Variants in TAB3 observed in about 807,000 individuals in gnomAD.
TAB3 encodes TGF-beta activated kinase 1 (MAP3K7) binding protein 3, also known as TGF-beta-activated kinase 1 and MAP3K7-binding protein 3.
In TAB3, 18 loss-of-function variants were observed where a neutral mutation model predicts 48.1. The observed-to-expected ratio is 0.37, with a 90% CI of 0.26 to 0.55. The LOEUF is 0.55. TAB3 is among the 20% of genes least tolerant of loss of function. TAB3 has a pLI of 0.78. For synonymous variants in TAB3, 185 were observed against 190.2 expected (o/e 0.97, Z 0.22); for missense variants, 414 against 549.8 (o/e 0.75, Z 2.47).
chrX:30,860,172 T>A (rs1190389215), intron 4 of TAB3, among the ~76,000 whole-genome samples: 1 of 111,846 alleles, frequency 8.9e-6, no homozygotes, highest in Non-Finnish European at 1.9e-5. Context: ...GCTAAATACA[T>A]ACCTACAAAA....
At chrX:30,887,369 GA>G (rs59248674) in intron 1 of TAB3, among the ~76,000 whole-genome samples, 1 of 109,424 alleles carries the variant, frequency 9.1e-6, no homozygotes, top group Non-Finnish European at 1.9e-5. Context: ...CATCTGAAAA[GA>G]AAAAAAAACC....
rs1437038750 is a variant in TAB3, at chrX:30,868,617, A to C, written c.-279-1068T>G. On this transcript the variant is annotated intron_variant, in intron 2 of 10. Transcript: ENST00000288422. ...GAGAGAGAGAGAGAGAGAGAGAGAGAGCGCGTGGGGGGGAGAGACAGAGAG... is the reference window on the plus strand; with the variant it reads ...GAGAGAGAGAGAGAGAGAGAGAGAGCGCGCGTGGGGGGGAGAGACAGAGAG... Among the ~76,000 whole-genome samples, 8 of 62,558 alleles carry C rather than the reference A, an allele frequency of 1.3e-4. No individual in the cohort carries two copies. In the East Asian group the frequency reaches 2.3e-3, roughly 18 times the overall value. The allele number at this position is 62,558 out of a possible 115,157, so 54.3% of individuals were successfully genotyped here.
At chrX:30,841,446 T>C (rs1318713648) in intron 9 of TAB3, among the ~76,000 whole-genome samples, 2 of 109,618 alleles carry the variant, frequency 1.8e-5, no homozygotes, top group East Asian at 5.7e-4. Flanking sequence ...AGGCTGTTTT[T>C]AAATGTAGAT....
chrX:30,833,138 T>G (rs1006699686), intron 10 of TAB3, among the ~76,000 whole-genome samples: 3 of 107,772 alleles, frequency 2.8e-5, no homozygotes, highest in African/African-American at 1.0e-4. Flanking sequence ...ACCCGGCTAA[T>G]TTTTTGTGTT....
At chrX:30,873,853 T>C (rs1939742887) in intron 1 of TAB3, among the ~76,000 whole-genome samples, 1 of 111,821 alleles carries the variant, frequency 8.9e-6, no homozygotes, top group Non-Finnish European at 1.9e-5. Context: ...CAGTAGGCTA[T>C]TACTAGTTAA....
intron 5 of TAB3, among the ~76,000 whole-genome samples, chrX:30,855,928 A>C (rs1939052546): frequency 9.0e-6 from 1 of 111,660 alleles, no homozygotes; most frequent in Admixed American, 9.5e-5. Context: ...GATTCACCAC[A>C]ATTGCTGCAA....
At chrX:30,835,903 A>G (rs950639058) in intron 9 of TAB3, 9 of 112,452 alleles carry the variant, frequency 8.0e-5, no homozygotes, top group Non-Finnish European at 1.1e-4. Flanking sequence ...ATTCGAACCA[A>G]TAAACCTATT....
chrX:30,835,457 G>A (rs1938169460), intron 9 of TAB3: 1 of 113,699 alleles, frequency 8.8e-6, no homozygotes, highest in Non-Finnish European at 1.9e-5. Context: ...GTATTTGGCT[G>A]GATTGTCCCT....
chrX:30,873,231 T>C (rs1325777666), intron 1 of TAB3, among the ~76,000 whole-genome samples: 1 of 112,446 alleles, frequency 8.9e-6, no homozygotes, highest in Admixed American at 9.4e-5. Flanking sequence ...ATATGTGGAT[T>C]TTTTTCAATA....
At chrX:30,867,268 A>G (rs966946666) in intron 3 of TAB3, 50 bp from the exon 4 acceptor site, 8 of 112,053 alleles carry the variant, frequency 7.1e-5, no homozygotes, top group African/African-American at 9.7e-5. Context: ...AAATCTGAAT[A>G]TAGACTTCAG....
chrX:30,854,630 G>C lies in TAB3; in HGVS notation c.1035C>G (p.Ser345Arg). 1 of 1,211,256 alleles carries C rather than the reference G, an allele frequency of 8.3e-7. No individual in the cohort carries two copies. Among genetic ancestry groups the C allele is most frequent in the Non-Finnish European group, 1.1e-6 (1 of 894,922 alleles). ...QGPPSYQKQG[S>R]HSVAYLPYTA... The stretch of plus-strand genomic sequence containing the variant: ...TGTATGGAAGATAGGCTACTGAATG[G>C]CTTCCCTGTTTCTGATAGCTAGGAG... The change falls in exon 6 of 11, where the codon AGC becomes AGG. Residue 345 changes from serine (S) to arginine (R), a missense_variant. By Grantham distance (110) the Ser-to-Arg change is moderately radical. Coordinates refer to ENST00000288422, the MANE Select transcript of TAB3 (RefSeq NM_152787.5).
chrX:30,850,705 CT>C lies in TAB3; in HGVS notation c.1710+2072del, dbSNP rs753362184. ...CCAGCCTGGGTGACAGGGTGAGACT[CT>C]CCATCTCAAAAAAAAAAAAAGAAAG... On this transcript the variant is annotated intron_variant, in intron 7 of 10. Transcript: ENST00000288422. Among the ~76,000 whole-genome samples the C allele has an allele frequency of 6.6e-4, 68 of 102,486 alleles. No homozygotes were observed. In the East Asian group the frequency reaches 0.011, roughly 17 times the overall value. 89.0% of individuals were successfully genotyped at this position (102,486 alleles called of 115,157 possible).
In TAB3 at chrX:30,854,373, T is replaced by C. The variant is rs1279556146; in HGVS notation, c.1292A>G (p.Tyr431Cys). 1 of 1,211,697 alleles carries C rather than the reference T, an allele frequency of 8.3e-7. No homozygotes were observed. ...PFSVNPVYIT[Y>C]TQPTGPSCTP... ...ACAAGAAGGTCCAGTTGGCTGTGTA[T>C]ATGTAATATACACAGGATTAACACT... Residue 431 changes from tyrosine (Y) to cysteine (C), a missense_variant, in exon 6 of 11, where the codon TAT (tyrosine) becomes TGT (cysteine). Transcript: ENST00000288422.
rs761922950 is a variant in TAB3 at position 30,851,303 on chromosome X, T to C, written c.1710+1475A>G. ...ACCAGGAGAATAAAGTTCAAGCACC[T>C]TGACCTAGCATTCAAGGTCAAAGCC... is the stretch of plus-strand genomic sequence containing the variant. On this transcript the variant is annotated intron_variant, in intron 7 of 10. Transcript: ENST00000288422. Among the ~76,000 whole-genome samples, 4 of 111,901 alleles carry C rather than the reference T, an allele frequency of 3.6e-5. No individual in the cohort carries two copies. The East Asian group carries it at 1.1e-3, about 32-fold the overall frequency.
chrX:30,876,537 G>A (rs192658470), intron 1 of TAB3, among the ~76,000 whole-genome samples: 92 of 111,646 alleles, frequency 8.2e-4, no homozygotes, highest in African/African-American at 2.4e-3. Context: ...ACCGGGTCTC[G>A]CTCTGTCACC....
At position 30,829,842 on chromosome X, in the gene TAB3, G is replaced by C. The variant is rs759606865; in HGVS notation, c.*1585C>G. The C allele has an allele frequency of 2.0e-5, 2 of 101,444 alleles. No individual in the cohort carries two copies. The highest frequency in any genetic ancestry group is 7.2e-5 in the African/African-American group (2 of 27,888). 8.4% of individuals were successfully genotyped at this position (101,444 alleles called of 1,213,427 possible). A position where few individuals can be genotyped will look rare whatever the true frequency, so the allele number is the denominator to read the frequency against. On this transcript the variant is annotated 3_prime_UTR_variant, in exon 11 of 11. Transcript: ENST00000288422. The stretch of plus-strand genomic sequence containing the variant: ...AGAGATTACTGCTAAATTAGAAGTG[G>C]GGGGGCGGTGTAGGGGGGTTGGGGG...
At chrX:30,831,797 T>C (rs763574602) in intron 10 of TAB3, among the ~76,000 whole-genome samples, 2 of 112,298 alleles carry the variant, frequency 1.8e-5, no homozygotes, top group African/African-American at 6.5e-5. Context: ...TATAAGAAGA[T>C]GGATATATGT....
At chrX:30,846,905 A>T (rs1009312308) in intron 7 of TAB3, among the ~76,000 whole-genome samples, 1 of 111,864 alleles carries the variant, frequency 8.9e-6, no homozygotes, top group African/African-American at 3.2e-5. Context: ...GTTCTACCAT[A>T]CAAGATACTA....
intron 5 of TAB3, among the ~76,000 whole-genome samples, chrX:30,859,286 C>G (rs1050578717): frequency 9.2e-6 from 1 of 108,952 alleles, no homozygotes; most frequent in African/African-American, 3.4e-5. Context: ...CTACAATGCA[C>G]AAGGCCGACT....
Sources: allele counts gnomAD v4.1 joint callset (sites outside exome capture counted in the v4.1 genomes callset), GRCh38; gene constraint gnomAD v4.1.1; transcripts MANE v1.5; gene names NCBI Gene and HGNC (gene_info 2026-07-23, HGNC 2026-07-21).